TMEM163: variants seen among roughly 807,000 people sequenced by gnomAD.
The protein encoded by TMEM163 is transmembrane protein 163.
TMEM163 carries 17 observed loss-of-function variants against 29.3 expected under a neutral mutation model. That is an observed-to-expected ratio of 0.58 (90% confidence interval 0.40 to 0.87). TMEM163 has a LOEUF of 0.87. Among genes scored for constraint, TMEM163 ranks in the 40% least tolerant of loss-of-function variants. TMEM163 has a pLI of 0.00. For synonymous variants in TMEM163, 157 were observed against 160.6 expected, an observed-to-expected ratio of 0.98 and a Z score of 0.17; for missense variants, 303 against 381.5, an observed-to-expected ratio of 0.79 and a Z score of 1.71.
chr2:134,507,855 T>TCACACA (rs140934225), intron 4 of TMEM163, among the ~76,000 whole-genome samples: 4 of 150,572 alleles, frequency 2.7e-5, no homozygotes, highest in African/African-American at 7.3e-5. Context: ...AGACCCTGTC[T>TCACACA]CACACACACA....
intron 2 of TMEM163, among the ~76,000 whole-genome samples, chr2:134,646,286 T>C (rs1683335199): frequency 6.6e-6 from 1 of 151,820 alleles, no homozygotes; most frequent in Admixed American, 6.6e-5. Context: ...CGTTTCACCA[T>C]GTTGGCCAGG....
intron 2 of TMEM163, among the ~76,000 whole-genome samples, chr2:134,576,620 A>G (rs1003122237): frequency 2.6e-5 from 4 of 152,206 alleles, no homozygotes; most frequent in African/African-American, 9.6e-5. Flanking sequence ...GAGGAGAGAC[A>G]GATAATGGCC....
chr2:134,479,869 G>A (rs1001294742), intron 5 of TMEM163, among the ~76,000 whole-genome samples: 12 of 152,324 alleles, frequency 7.9e-5, no homozygotes, highest in South Asian at 4.1e-4. Flanking sequence ...GGAATGTGGC[G>A]AAAGCCACAG....
intron 2 of TMEM163, among the ~76,000 whole-genome samples, chr2:134,687,938 T>C (rs189110146): frequency 6.6e-6 from 1 of 151,876 alleles, no homozygotes; most frequent in Non-Finnish European, 1.5e-5. Flanking sequence ...GAGTTCTGAG[T>C]TCAGCTGACT....
At chr2:134,551,280 T>G (rs1207498534) in intron 3 of TMEM163, among the ~76,000 whole-genome samples, 7 of 150,828 alleles carry the variant, frequency 4.6e-5, no homozygotes, top group Admixed American at 2.0e-4. Context: ...TATGTCTGGG[T>G]GTGTGTGTGT....
intron 2 of TMEM163, among the ~76,000 whole-genome samples, chr2:134,633,652 AG>A (rs1683028932): frequency 1.3e-5 from 2 of 152,126 alleles, no homozygotes; most frequent in African/African-American, 4.8e-5. Flanking sequence ...AGAGTGAATA[AG>A]AACAGTCTTA....
Position 134,630,618 on chromosome 2 carries a change from C to T in TMEM163, c.323-78527G>A, listed in dbSNP as rs116767626. Among the ~76,000 whole-genome samples the T allele has an allele frequency of 9.3e-3, 1,419 of 152,234 alleles. 16 individuals are homozygous for T. The highest frequency in any genetic ancestry group is 0.011 in the Non-Finnish European group (768 of 68,016). ...CACTCTTGGAGAGTCAAATGCTGAT[C>T]CCAAGACTGTGCTGAGAAATCAGAT... On this transcript the variant is annotated intron_variant, in intron 2 of 7. Coordinates refer to ENST00000281924, the MANE Select transcript of TMEM163 (RefSeq NM_030923.5).
At chr2:134,509,867 C>G (rs1679910446) in intron 4 of TMEM163, among the ~76,000 whole-genome samples, 1 of 152,174 alleles carries the variant, frequency 6.6e-6, no homozygotes, top group African/African-American at 2.4e-5. Context: ...GTACAATGGA[C>G]AGGAATCATG....
chr2:134,633,618 T>C (rs1683028399), intron 2 of TMEM163, among the ~76,000 whole-genome samples: 1 of 152,134 alleles, frequency 6.6e-6, no homozygotes, highest in African/African-American at 2.4e-5. Context: ...GGTCTAACCA[T>C]AGATTAGATC....
At chr2:134,505,134 G>A (rs1027212399) in intron 4 of TMEM163, among the ~76,000 whole-genome samples, 2 of 151,700 alleles carry the variant, frequency 1.3e-5, no homozygotes, top group Non-Finnish European at 2.9e-5. Context: ...AAACTCCTGA[G>A]TGACTCACAG....
At chr2:134,469,763 T>A (rs979491794) in intron 5 of TMEM163, 1 of 152,564 alleles carries the variant, frequency 6.6e-6, no homozygotes, top group East Asian at 1.9e-4. Flanking sequence ...TATAGCTCTG[T>A]GGCAAAGGCG....
At chr2:134,612,818 A>C (rs1184342995) in intron 2 of TMEM163, among the ~76,000 whole-genome samples, 1 of 152,218 alleles carries the variant, frequency 6.6e-6, no homozygotes, top group Non-Finnish European at 1.5e-5. Context: ...GAGTTGCCAC[A>C]TTATATTATT....
intron 2 of TMEM163, among the ~76,000 whole-genome samples, chr2:134,632,789 C>G (rs941015904): frequency 6.6e-6 from 1 of 151,654 alleles, no homozygotes; most frequent in Non-Finnish European, 1.5e-5. Context: ...GTCACCCAGG[C>G]TGGAGGGCAA....
intron 2 of TMEM163, among the ~76,000 whole-genome samples, chr2:134,570,348 G>A (rs1049828091): frequency 1.3e-5 from 2 of 152,066 alleles, no homozygotes; most frequent in Admixed American, 1.3e-4. Context: ...GTGGGTACAA[G>A]GCAGGAACAG....
At chr2:134,552,165 G>A in intron 2 of TMEM163, 74 bp from the exon 3 acceptor site, 1 of 1,214,222 alleles carries the variant, frequency 8.2e-7, no homozygotes, top group South Asian at 1.4e-5. Context: ...TACATTACAT[G>A]GCCTTTTAAA....
chr2:134,604,218 C>T (rs910445688), intron 2 of TMEM163, among the ~76,000 whole-genome samples: 6 of 152,102 alleles, frequency 3.9e-5, no homozygotes, highest in African/African-American at 9.7e-5. Context: ...TGCCCAAGGA[C>T]GCCTGCTGCA....
At chr2:134,620,532 C>T (rs1168798378) in intron 2 of TMEM163, among the ~76,000 whole-genome samples, 2 of 152,112 alleles carry the variant, frequency 1.3e-5, no homozygotes, top group African/African-American at 4.8e-5. Flanking sequence ...GCTGGGATTA[C>T]AGGGGTGAGG....
intron 2 of TMEM163, among the ~76,000 whole-genome samples, chr2:134,712,923 T>C (rs1684957428): frequency 6.6e-6 from 1 of 152,148 alleles, no homozygotes; most frequent in South Asian, 2.1e-4. Context: ...AAGAGTATTT[T>C]CACTATTCAG....
chr2:134,653,029 C>T (rs1467593632), intron 2 of TMEM163, among the ~76,000 whole-genome samples: 1 of 132,424 alleles, frequency 7.6e-6, no homozygotes, highest in East Asian at 2.0e-4. Context: ...TGTCTCTGCC[C>T]GGTTTTGGTA....
Sources: allele counts gnomAD v4.1 joint callset (sites outside exome capture counted in the v4.1 genomes callset), GRCh38; gene constraint gnomAD v4.1.1; transcripts MANE v1.5; gene names NCBI Gene and HGNC (gene_info 2026-07-23, HGNC 2026-07-21).